Variants in CFAP61 observed in about 807,000 individuals in gnomAD.
CFAP61 encodes the protein cilia and flagella associated protein 61.
Under a neutral mutation model 135.6 loss-of-function variants are expected in CFAP61, and 107 were observed. The ratio of observed to expected loss-of-function variants is 0.79; its 90% CI spans 0.67 to 0.93. The LOEUF is 0.93. Ranked by LOEUF, CFAP61 falls within the 40% of genes least tolerant of loss-of-function variation. The pLI is 0.00. For synonymous variants in CFAP61, 575 were observed against 578.5 expected (o/e 0.99, Z 0.09); for missense variants, 1,507 against 1,556.2 (o/e 0.97, Z 0.53).
At position 20,169,329 on chromosome 20, in the gene CFAP61, C is replaced by A. The variant is rs759441638; in HGVS notation, c.1254C>A (p.Asn418Lys). Residue 418 changes from asparagine to lysine, a missense_variant, in exon 13 of 27, where the codon AAC (asparagine) becomes AAA (lysine). Coordinates refer to ENST00000245957, the MANE Select transcript of CFAP61 (RefSeq NM_015585.4). ...GTTTTTGATGATGTTAGGATAAGAA[C>A]TTCTGTGTAATTTCTCTGCCCCATC... ...NFVFSLFSDK[N>K]FCVISLPHLT... 1.2e-6 allele frequency: 2 copies of A among 1,613,480 alleles called. No homozygotes were observed.
intron 26 of CFAP61, among the ~76,000 whole-genome samples, chr20:20,355,671 C>T (rs2059090467): frequency 7.1e-6 from 1 of 141,456 alleles, no homozygotes; most frequent in African/African-American, 2.7e-5. Context: ...GAGGTGATCA[C>T]ACTAAGGGGA....
chr20:20,201,264 G>A (rs562551026), intron 17 of CFAP61, among the ~76,000 whole-genome samples: 2 of 152,260 alleles, frequency 1.3e-5, no homozygotes, highest in African/African-American at 4.8e-5. Flanking sequence ...ACTTGTAATA[G>A]TTTGCACATG....
At chr20:20,200,051 G>A in intron 17 of CFAP61, 149 bp downstream of exon 17, 1 of 928,160 alleles carries the variant, frequency 1.1e-6, no homozygotes, top group East Asian at 2.5e-5. Context: ...GCCCCGCGAA[G>A]GCTCCCCTGC....
At chr20:20,158,386 A>G (rs1302447047) in intron 9 of CFAP61, among the ~76,000 whole-genome samples, 2 of 151,770 alleles carry the variant, frequency 1.3e-5, no homozygotes, top group Non-Finnish European at 2.9e-5. Context: ...ACTTTCCAAA[A>G]TAAGACATCA....
chr20:20,282,930 C>A (rs1386082769), intron 22 of CFAP61, among the ~76,000 whole-genome samples: 4 of 105,910 alleles, frequency 3.8e-5, no homozygotes, highest in African/African-American at 1.2e-4. Flanking sequence ...CAGAGCAAGA[C>A]CCTGTCTCAA....
At position 20,301,420 on chromosome 20, in the gene CFAP61, C is replaced by T. The variant is rs548259702; in HGVS notation, c.3422+3034C>T. Among the ~76,000 whole-genome samples the T allele has an allele frequency of 2.0e-5, 3 of 152,258 alleles. No homozygotes were observed. In the South Asian group the frequency reaches 6.2e-4, roughly 32 times the overall value. ...TGCACTCTAGGATGGTTGCCAACAA[C>T]GTGTTTCTCAGGACCTATTCCCATC... On this transcript the variant is annotated intron_variant, in intron 25 of 26. Coordinates refer to ENST00000245957, the MANE Select transcript of CFAP61 (RefSeq NM_015585.4).
At chr20:20,242,764 C>A (rs141942505) in intron 18 of CFAP61, among the ~76,000 whole-genome samples, 3 of 152,324 alleles carry the variant, frequency 2.0e-5, no homozygotes, top group Non-Finnish European at 2.9e-5. Flanking sequence ...AAAAAGGAAT[C>A]CTCTAGAATT....
At chr20:20,129,927 A>T (rs2050380447) in intron 8 of CFAP61, among the ~76,000 whole-genome samples, 1 of 151,550 alleles carries the variant, frequency 6.6e-6, no homozygotes, top group South Asian at 2.1e-4. Context: ...GATTTTTTAA[A>T]TTGTTATTTC....
At chr20:20,089,977 C>T (rs1034440305) in intron 6 of CFAP61, among the ~76,000 whole-genome samples, 2 of 152,188 alleles carry the variant, frequency 1.3e-5, no homozygotes, top group Non-Finnish European at 1.5e-5. Flanking sequence ...TAGTGCTTCT[C>T]AGAGTCTTTA....
intron 24 of CFAP61, among the ~76,000 whole-genome samples, chr20:20,292,314 G>A (rs2055048247): frequency 2.0e-5 from 3 of 152,222 alleles, no homozygotes; most frequent in Non-Finnish European, 4.4e-5. Context: ...GGTAGATGCT[G>A]TATGTTTAAA....
intron 26 of CFAP61, among the ~76,000 whole-genome samples, chr20:20,348,689 C>CAAAAA (rs71198052): frequency 0.023 from 1,224 of 53,372 alleles, 77 homozygotes; most frequent in East Asian, 0.1. Context: ...GACTCCGTAT[C>CAAAAA]AAAAAAAAAA....
At chr20:20,070,721 T>C in intron 2 of CFAP61, 133 bp from the exon 3 acceptor site, 1 of 732,384 alleles carries the variant, frequency 1.4e-6, no homozygotes, top group South Asian at 1.9e-5. Context: ...AATATCATTC[T>C]CACCTTTTCC....
At chr20:20,264,626 T>G (rs1292794971) in intron 21 of CFAP61, among the ~76,000 whole-genome samples, 1 of 152,150 alleles carries the variant, frequency 6.6e-6, no homozygotes, top group African/African-American at 2.4e-5. Context: ...ATTTTTACTG[T>G]AAAATACCAG....
At chr20:20,081,498 G>A (rs970154988) in intron 6 of CFAP61, among the ~76,000 whole-genome samples, 1 of 152,178 alleles carries the variant, frequency 6.6e-6, no homozygotes, top group Admixed American at 6.5e-5. Flanking sequence ...GTAAGGTATT[G>A]TCTGTTAATT....
chr20:20,335,699 C>T (rs2058161028), intron 25 of CFAP61, among the ~76,000 whole-genome samples: 1 of 152,332 alleles, frequency 6.6e-6, no homozygotes, highest in South Asian at 2.1e-4. Flanking sequence ...CCATCTAGAC[C>T]TTCTCTACCT....
rs1348817587 is a variant in CFAP61, at chr20:20,298,083, CCTGT to C, written c.3217-93_3217-90del. On this transcript the variant is annotated intron_variant, in intron 24 of 26. Coordinates refer to ENST00000245957, the MANE Select transcript of CFAP61 (RefSeq NM_015585.4). ...ATTTGCAAAGAGGGATAAGATATAA[CCTGT>C]CTGTTATATTTGAAAAATAAATTGC... 3.8e-6 allele frequency: 3 copies of C among 794,466 alleles called. No homozygotes were observed. The African/African-American group carries it at 5.1e-5, about 13-fold the overall frequency. 49.2% of individuals were successfully genotyped at this position (794,466 alleles called of 1,614,324 possible). A position where few individuals can be genotyped will look rare whatever the true frequency, so the allele number is the denominator to read the frequency against.
At chr20:20,176,160 C>T (rs958834155) in intron 13 of CFAP61, among the ~76,000 whole-genome samples, 1 of 151,986 alleles carries the variant, frequency 6.6e-6, no homozygotes, top group African/African-American at 2.4e-5. Context: ...GAAATAGCAT[C>T]TCATGCCAAT....
chr20:20,348,976 GTTTT>G (rs2058738934), intron 26 of CFAP61, among the ~76,000 whole-genome samples: 2 of 152,132 alleles, frequency 1.3e-5, no homozygotes, highest in Non-Finnish European at 2.9e-5. Context: ...ATTCAGCATG[GTTTT>G]GGAAGTTCTA....
At position 20,288,924 on chromosome 20, in the gene CFAP61, G is replaced by A. The variant is rs760989918; in HGVS notation, c.3112G>A (p.Ala1038Thr). 8.1e-6 allele frequency: 13 copies of A among 1,606,916 alleles called. No individual in the cohort carries two copies. The highest frequency in any genetic ancestry group is 1.1e-5 in the Non-Finnish European group (13 of 1,174,094). ...LDRLIPMYKG[A>T]KIQGGILPGS... Reference sequence around the variant, plus strand: ...CCGGCTCATCCCCATGTACAAGGGAGCCAAGATTCAAGGTATACGAGTAGG... The same window carrying A: ...CCGGCTCATCCCCATGTACAAGGGAACCAAGATTCAAGGTATACGAGTAGG... The change falls in exon 23 of 27, where the codon GCC becomes ACC. Residue 1038 changes from alanine to threonine, a missense_variant. Transcript: ENST00000245957.
Sources: allele counts gnomAD v4.1 joint callset (sites outside exome capture counted in the v4.1 genomes callset), GRCh38; gene constraint gnomAD v4.1.1; transcripts MANE v1.5; gene names NCBI Gene and HGNC (gene_info 2026-07-23, HGNC 2026-07-21).